APBB1IP: variants seen among roughly 807,000 people sequenced by gnomAD.
APBB1IP encodes amyloid beta A4 precursor protein-binding family B member 1-interacting protein.
APBB1IP carries 27 observed loss-of-function variants against 64.9 expected under a neutral mutation model. The ratio of observed to expected loss-of-function variants is 0.42; its 90% CI spans 0.31 to 0.57. The LOEUF is 0.57. APBB1IP is among the 20% of genes least tolerant of loss of function. APBB1IP has a pLI of 0.20. For missense variants in APBB1IP, 812 were observed against 845.5 expected (o/e 0.96, Z 0.49); for synonymous variants, 392 against 331.0 (o/e 1.18, Z -2.00).
At chr10:26,515,098 A>G (rs927228702) in intron 8 of APBB1IP, among the ~76,000 whole-genome samples, 81 of 143,810 alleles carry the variant, frequency 5.6e-4, no homozygotes, top group African/African-American at 1.9e-3. Flanking sequence ...GGCCAGGGTG[A>G]TCTTGATCTC....
At chr10:26,487,008 C>T (rs1309704706) in intron 2 of APBB1IP, among the ~76,000 whole-genome samples, 1 of 152,110 alleles carries the variant, frequency 6.6e-6, no homozygotes, top group Non-Finnish European at 1.5e-5. Context: ...TCTTTTTCAT[C>T]AACAACTTGT....
At chr10:26,536,664 T>C in intron 10 of APBB1IP, among the ~76,000 whole-genome samples, 1 of 151,378 alleles carries the variant, frequency 6.6e-6, no homozygotes, top group Non-Finnish European at 1.5e-5. Context: ...TGATCTGGAC[T>C]AACTGCAACC....
At chr10:26,501,247 C>A (rs139466547) in intron 5 of APBB1IP, 136 bp downstream of exon 5, 2 of 1,300,280 alleles carry the variant, frequency 1.5e-6, no homozygotes, top group African/African-American at 1.5e-5. Flanking sequence ...ATACAGAGCA[C>A]GCTCATTGCA....
chr10:26,451,972 A>G (rs1046775958), intron 2 of APBB1IP, among the ~76,000 whole-genome samples: 2 of 152,224 alleles, frequency 1.3e-5, no homozygotes, highest in African/African-American at 4.8e-5. Flanking sequence ...ATCTGGTTTT[A>G]AGGATGGTTA....
chr10:26,473,999 CAAAAAAAAAAAAAA>C (rs35712977), intron 2 of APBB1IP, among the ~76,000 whole-genome samples: 5 of 67,360 alleles, frequency 7.4e-5, no homozygotes, highest in African/African-American at 2.8e-4. Context: ...CACCCTGTCT[CAAAAAAAAAAAAAA>C]AAAAAAAAAG....
chr10:26,529,273 A>G lies in APBB1IP; in HGVS notation c.814-4166A>G, dbSNP rs182367854. Among the ~76,000 whole-genome samples the G allele has an allele frequency of 7.8e-4, 119 of 152,336 alleles. 1 individual carries two copies. The highest frequency in any genetic ancestry group is 6.8e-3 in the Middle Eastern group (2 of 294). On this transcript the variant is annotated intron_variant, in intron 8 of 14. Coordinates refer to ENST00000376236, the MANE Select transcript of APBB1IP (RefSeq NM_019043.4). ...CAGCCCGCATTGAGTGGGCGCCCAC[A>G]CCGCAGGTGGAAGTTCCGATCCGAA...
At chr10:26,541,494 T>C (rs1376453665) in intron 10 of APBB1IP, 88 bp from the exon 11 acceptor site, 1 of 804,764 alleles carries the variant, frequency 1.2e-6, no homozygotes. Flanking sequence ...TACTAAAATA[T>C]AATCCTTAGT....
intron 9 of APBB1IP, 39 bp downstream of exon 9, chr10:26,533,564 C>T (rs778536975): frequency 1.3e-5 from 18 of 1,349,698 alleles, no homozygotes; most frequent in Middle Eastern, 2.3e-4. Flanking sequence ...AAGAGAAGGA[C>T]GTTTGCTCTA....
chr10:26,547,676 T>G (rs1302893121), intron 11 of APBB1IP, among the ~76,000 whole-genome samples: 1 of 152,076 alleles, frequency 6.6e-6, no homozygotes, highest in Non-Finnish European at 1.5e-5. Flanking sequence ...AACCCCTGAC[T>G]TCAGGTGATT....
chr10:26,438,952 G>A (rs1206130733), intron 2 of APBB1IP, 99 bp downstream of exon 2: 1 of 152,200 alleles, frequency 6.6e-6, no homozygotes, highest in Non-Finnish European at 1.5e-5. Flanking sequence ...GTCCGACGCC[G>A]GGGGCAGCTC....
chr10:26,463,696 A>C (rs994236042), intron 2 of APBB1IP, among the ~76,000 whole-genome samples: 3 of 152,178 alleles, frequency 2.0e-5, no homozygotes, highest in African/African-American at 7.2e-5. Context: ...ATGGCAGCCC[A>C]TTGTTGACAG....
At chr10:26,534,494 G>C (rs1387344613) in intron 9 of APBB1IP, among the ~76,000 whole-genome samples, 2 of 152,010 alleles carry the variant, frequency 1.3e-5, no homozygotes, top group Non-Finnish European at 2.9e-5. Flanking sequence ...AAAATCAGAA[G>C]ACCTGGTGAT....
chr10:26,531,535 CG>C, intron 8 of APBB1IP, among the ~76,000 whole-genome samples: 1 of 151,686 alleles, frequency 6.6e-6, no homozygotes, highest in South Asian at 2.1e-4. Context: ...GGCGCGATGG[CG>C]GGCGCCTGTA....
At chr10:26,513,419 TTAA>T (rs1433105580) in intron 7 of APBB1IP, 117 bp from the exon 8 acceptor site, 1 of 1,071,808 alleles carries the variant, frequency 9.3e-7, no homozygotes, top group Non-Finnish European at 1.4e-6. Flanking sequence ...GTGAGAATTA[TTAA>T]TAAGAATCCC....
chr10:26,510,734 T>TCTCACACA (rs375916170), intron 6 of APBB1IP, among the ~76,000 whole-genome samples: 4 of 135,892 alleles, frequency 2.9e-5, no homozygotes, highest in African/African-American at 1.1e-4. Context: ...AGACCCTGTC[T>TCTCACACA]CACACACACA....
intron 11 of APBB1IP, among the ~76,000 whole-genome samples, chr10:26,546,709 C>T (rs75833563): frequency 0.011 from 1,746 of 152,296 alleles, 33 homozygotes; most frequent in Admixed American, 0.043. Flanking sequence ...CACTATTCTA[C>T]TCTCAACTCC....
intron 8 of APBB1IP, among the ~76,000 whole-genome samples, chr10:26,527,254 G>A (rs1836486058): frequency 6.6e-6 from 1 of 151,990 alleles, no homozygotes; most frequent in Non-Finnish European, 1.5e-5. Flanking sequence ...ATGCATGAAA[G>A]GCAACCTTAG....
At chr10:26,483,645 C>T (rs924528677) in intron 2 of APBB1IP, among the ~76,000 whole-genome samples, 1 of 152,206 alleles carries the variant, frequency 6.6e-6, no homozygotes, top group Non-Finnish European at 1.5e-5. Context: ...CCTTCCTGAA[C>T]TTCATTGACT....
Position 26,546,757 on chromosome 10 carries a change from G to C in APBB1IP, c.1155+5065G>C, listed in dbSNP as rs79493035. ...TTCTTTTAGATTCCACATATGAGTG[G>C]AATCTAAATATTTTTGTATTTTCTT... is the stretch of plus-strand genomic sequence containing the variant. On this transcript the variant is annotated intron_variant, in intron 11 of 14. Transcript: ENST00000376236. 1.9e-3 allele frequency among the ~76,000 whole-genome samples: 296 copies of C among 152,202 alleles called. 2 individuals carry two copies. Among genetic ancestry groups the C allele is most frequent in the African/African-American group, 6.6e-3 (276 of 41,516 alleles).
Sources: gnomAD v4.1 joint callset for allele counts (sites outside exome capture counted in the v4.1 genomes callset) on GRCh38, gnomAD v4.1.1 for gene constraint, MANE v1.5 for transcripts, NCBI Gene and HGNC (gene_info 2026-07-23, HGNC 2026-07-21) for gene names.